Variants in CEP112 observed in about 807,000 individuals in gnomAD.
CEP112 encodes the protein centrosomal protein of 112 kDa.
In CEP112, 127 loss-of-function variants were observed where a neutral mutation model predicts 153.0. The ratio of observed to expected loss-of-function variants is 0.83; its 90% CI spans 0.72 to 0.96. CEP112 has a LOEUF of 0.96. Among genes scored for constraint, CEP112 ranks in the 40% least tolerant of loss-of-function variants. The pLI, the probability that CEP112 is intolerant of heterozygous loss-of-function variation, is 0.00. For missense variants in CEP112, 1,089 were observed against 1,101.2 expected (o/e 0.99, Z 0.16); for synonymous variants, 358 against 374.4 (o/e 0.96, Z 0.51).
At chr17:65,987,698 G>A (rs1386509961) in intron 17 of CEP112, among the ~76,000 whole-genome samples, 1 of 152,138 alleles carries the variant, frequency 6.6e-6, no homozygotes, top group Admixed American at 6.6e-5. Flanking sequence ...ATATGAGAAT[G>A]AGGCAGTTCC....
chr17:65,755,666 C>G (rs1470194907), intron 21 of CEP112, among the ~76,000 whole-genome samples: 1 of 151,450 alleles, frequency 6.6e-6, no homozygotes, highest in Non-Finnish European at 1.5e-5. Flanking sequence ...AAAGTAGAAC[C>G]AACTGGACAT....
chr17:66,126,733 G>A (rs2069868522), intron 6 of CEP112, among the ~76,000 whole-genome samples: 2 of 151,906 alleles, frequency 1.3e-5, no homozygotes, highest in Admixed American at 6.6e-5. Context: ...TTGATTTCTG[G>A]GAAAATAAAG....
At chr17:66,190,444 T>C (rs1392563507) in intron 1 of CEP112, among the ~76,000 whole-genome samples, 3 of 152,194 alleles carry the variant, frequency 2.0e-5, no homozygotes, top group Non-Finnish European at 4.4e-5. Context: ...ATTACTGGAA[T>C]TGAAAAATAA....
At position 66,176,765 on chromosome 17, in the gene CEP112, GGAT is replaced by G. The variant is rs1423476038; in HGVS notation, c.297+62_297+64del. The G allele has an allele frequency of 8.8e-6, 11 of 1,243,770 alleles. No homozygotes were observed. In the East Asian group the frequency reaches 2.1e-4, roughly 24 times the overall value. The allele number at this position is 1,243,770 out of a possible 1,614,324, so 77.0% of individuals were successfully genotyped here. On this transcript the variant is annotated intron_variant, in intron 3 of 26. Transcript: ENST00000535342. The stretch of plus-strand genomic sequence containing the variant: ...CTAATAGTATTACCATTCCCCAAAG[GGAT>G]GATAACTTGACGCTTTTTTTTAAAT...
At chr17:65,920,000 T>C (rs1158210037) in intron 19 of CEP112, among the ~76,000 whole-genome samples, 1 of 152,000 alleles carries the variant, frequency 6.6e-6, no homozygotes, top group African/African-American at 2.4e-5. Flanking sequence ...TGGATGTACT[T>C]CAGTTTCTAC....
Position 66,175,082 on chromosome 17 carries a change from T to G in CEP112, c.432A>C (p.Glu144Asp). Residue 144 changes from glutamate to aspartate, a missense_variant, in exon 4 of 27, where the codon GAA becomes GAC. Coordinates refer to ENST00000535342, the MANE Select transcript of CEP112 (RefSeq NM_001199165.4). ...LNESWKLSSG[E>D]DNTLVQSPTD... ...TTGGCGACTGTACTAAAGTGTTATC[T>G]TCTCCAGAAGAGAGTTTCCATGATT... The G allele has an allele frequency of 6.2e-7, 1 of 1,612,492 alleles. No individual in the cohort carries two copies. The highest frequency in any genetic ancestry group is 8.5e-7 in the Non-Finnish European group (1 of 1,179,252).
At chr17:65,642,840 AC>A (rs2045218741) in intron 24 of CEP112, among the ~76,000 whole-genome samples, 1 of 152,188 alleles carries the variant, frequency 6.6e-6, no homozygotes, top group South Asian at 2.1e-4. Flanking sequence ...CTATCACTCA[AC>A]ACTGGTTCTG....
intron 12 of CEP112, among the ~76,000 whole-genome samples, chr17:66,045,444 C>T (rs1156250972): frequency 6.6e-6 from 1 of 152,096 alleles, no homozygotes; most frequent in Non-Finnish European, 1.5e-5. Flanking sequence ...TTGAGCAGTG[C>T]CATAAACTGG....
intron 20 of CEP112, among the ~76,000 whole-genome samples, chr17:65,863,676 G>A (rs369226314): frequency 2.0e-5 from 3 of 149,242 alleles, no homozygotes; most frequent in Non-Finnish European, 4.4e-5. Context: ...GGAGAATGGC[G>A]TGAATCTGGG....
chr17:65,640,122 G>A (rs2045032691), intron 25 of CEP112, among the ~76,000 whole-genome samples: 1 of 142,012 alleles, frequency 7.0e-6, no homozygotes, highest in Non-Finnish European at 1.5e-5. Flanking sequence ...ACAGGCGTGA[G>A]CCACTGCACC....
chr17:66,074,811 C>T (rs1318573288), intron 8 of CEP112, among the ~76,000 whole-genome samples: 1 of 127,814 alleles, frequency 7.8e-6, no homozygotes, highest in Non-Finnish European at 1.6e-5. Flanking sequence ...TGCAGTGAGC[C>T]AAGATCGTGC....
intron 20 of CEP112, among the ~76,000 whole-genome samples, chr17:65,852,453 CTCCCTCCCTTTCCTTCCTTCCT>C (rs2057995059): frequency 1.2e-5 from 1 of 86,636 alleles, no homozygotes; most frequent in Non-Finnish European, 2.4e-5. Context: ...CCTTCCCTCC[CTCCCTCCCTTTCCTTCCTTCCT>C]TCCTTCCCTC....
chr17:66,149,349 G>A (rs1435490288), intron 4 of CEP112, among the ~76,000 whole-genome samples: 2 of 152,142 alleles, frequency 1.3e-5, no homozygotes, highest in African/African-American at 2.4e-5. Context: ...CTGGCCTCAC[G>A]TGATAAATTT....
At chr17:65,771,965 T>A (rs1166014091) in intron 21 of CEP112, among the ~76,000 whole-genome samples, 1 of 151,826 alleles carries the variant, frequency 6.6e-6, no homozygotes, top group Non-Finnish European at 1.5e-5. Context: ...GAGTTTATAG[T>A]GAGCTGTGAT....
intron 20 of CEP112, among the ~76,000 whole-genome samples, chr17:65,865,056 T>C (rs998622814): frequency 6.6e-6 from 1 of 152,042 alleles, no homozygotes; most frequent in African/African-American, 2.4e-5. Context: ...TGTGGATTTT[T>C]TTTGAGACAG....
intron 16 of CEP112, among the ~76,000 whole-genome samples, chr17:66,026,377 G>T (rs921616691): frequency 1.3e-5 from 2 of 152,130 alleles, no homozygotes; most frequent in Non-Finnish European, 2.9e-5. Context: ...ATATCAACAT[G>T]TGTCAGTTGA....
chr17:65,644,344 G>T, intron 24 of CEP112: 2 of 561,506 alleles, frequency 3.6e-6, no homozygotes, highest in Admixed American at 2.8e-5. Context: ...GAAGCCCAAT[G>T]GTGAGAAGCC....
At chr17:65,898,326 T>C (rs1196131964) in intron 20 of CEP112, among the ~76,000 whole-genome samples, 1 of 152,074 alleles carries the variant, frequency 6.6e-6, no homozygotes, top group Non-Finnish European at 1.5e-5. Flanking sequence ...AGGCACACAC[T>C]CAGTTTATAA....
chr17:65,768,317 T>C (rs937046990), intron 21 of CEP112, among the ~76,000 whole-genome samples: 4 of 152,072 alleles, frequency 2.6e-5, no homozygotes, highest in Non-Finnish European at 5.9e-5. Context: ...CCGTGACATC[T>C]TGATGTTGAG....
Sources: allele counts gnomAD v4.1 joint callset (sites outside exome capture counted in the v4.1 genomes callset), GRCh38; gene constraint gnomAD v4.1.1; transcripts MANE v1.5; gene names NCBI Gene and HGNC (gene_info 2026-07-23, HGNC 2026-07-21).